The following THOC2 variants were observed in gnomAD, a reference collection of about 807,000 sequenced individuals.
The protein encoded by THOC2 is THO complex 2.
A neutral mutation model predicts 128.4 loss-of-function variants in THOC2; 10 were observed. The ratio of observed to expected loss-of-function variants is 0.08; its 90% CI spans 0.05 to 0.13. The LOEUF (loss-of-function observed/expected upper bound fraction) is 0.13. Ranked by LOEUF, THOC2 falls within the 10% of genes least tolerant of loss-of-function variation. The pLI, the probability that THOC2 is intolerant of heterozygous loss-of-function variation, is 1.00. For synonymous variants in THOC2, 393 were observed against 396.9 expected, an observed-to-expected ratio of 0.99 and a Z score of 0.12; for missense variants, 535 against 1,155.7, an observed-to-expected ratio of 0.46 and a Z score of 7.79.
chrX:123,625,896 T>G lies in THOC2; in HGVS notation c.3057+16A>C, dbSNP rs1324101656. 1 of 1,201,161 alleles carries G rather than the reference T, an allele frequency of 8.3e-7. No individual in the cohort carries two copies. Among genetic ancestry groups the G allele is most frequent in the Non-Finnish European group, 1.1e-6 (1 of 889,412 alleles). On this transcript the variant is annotated intron_variant, in intron 25 of 38. Coordinates refer to ENST00000245838, the MANE Select transcript of THOC2 (RefSeq NM_001081550.2). Reference sequence around the variant, plus strand: ...CTTTGTGTGAGAACTTTTTAAAGGTTGCAATAAAAACTTACTCGATCATAG... The same window carrying G: ...CTTTGTGTGAGAACTTTTTAAAGGTGGCAATAAAAACTTACTCGATCATAG...
chrX:123,708,816 G>A (rs2051052344), intron 2 of THOC2, among the ~76,000 whole-genome samples: 1 of 111,123 alleles, frequency 9.0e-6, no homozygotes, highest in Admixed American at 9.5e-5. Context: ...GCGCAATCTT[G>A]GCTCACTGCA....
chrX:123,656,537 C>T (rs185351494), intron 12 of THOC2, among the ~76,000 whole-genome samples: 3 of 110,233 alleles, frequency 2.7e-5, no homozygotes, highest in South Asian at 7.7e-4. Context: ...GGCGAAACCC[C>T]GTCTCTACTA....
chrX:123,712,042 T>C (rs931116350), intron 2 of THOC2, among the ~76,000 whole-genome samples: 5 of 108,488 alleles, frequency 4.6e-5, no homozygotes, highest in African/African-American at 1.7e-4. Flanking sequence ...TATATATATA[T>C]GTAAAATTGT....
At chrX:123,707,353 C>T (rs749090436) in intron 2 of THOC2, among the ~76,000 whole-genome samples, 69 of 111,718 alleles carry the variant, frequency 6.2e-4, no homozygotes, top group Admixed American at 2.3e-3. Flanking sequence ...ATTCTCCTCA[C>T]CAGTAGACTT....
At chrX:123,685,035 T>C (rs5956568) in intron 8 of THOC2, among the ~76,000 whole-genome samples, 2,838 of 112,182 alleles carry the variant, frequency 0.025, 82 homozygotes, top group African/African-American at 0.087. Context: ...AGTAAACAAA[T>C]TAGCAGAGCT....
At chrX:123,621,009 G>A in intron 31 of THOC2, 44 bp from the exon 32 acceptor site, 1 of 1,192,995 alleles carries the variant, frequency 8.4e-7, no homozygotes, top group Admixed American at 2.2e-5. Context: ...TACATTTCTA[G>A]TTTTCCAAAC....
At chrX:123,704,006 A>G (rs1487604087) in intron 3 of THOC2, among the ~76,000 whole-genome samples, 1 of 110,662 alleles carries the variant, frequency 9.0e-6, no homozygotes, top group Non-Finnish European at 1.9e-5. Context: ...GTAAACTTTC[A>G]TAACAAAGAG....
chrX:123,682,335 C>T (rs1466957939), intron 8 of THOC2, among the ~76,000 whole-genome samples: 1 of 111,778 alleles, frequency 8.9e-6, no homozygotes, highest in Admixed American at 9.5e-5. Flanking sequence ...TGACTTCACT[C>T]AGTATCAAAA....
Position 123,733,006 on chromosome X carries a change from A to G in THOC2, c.17T>C (p.Val6Ala). 4.1e-6 allele frequency: 5 copies of G among 1,211,269 alleles called. No homozygotes were observed. Among genetic ancestry groups the G allele is most frequent in the Non-Finnish European group, 5.6e-6 (5 of 895,249 alleles). The change falls in exon 1 of 39, where the codon GTG (valine) becomes GCG (alanine). Residue 6 changes from valine to alanine, a missense_variant. Physicochemically the swap from Val to Ala is moderately conservative, Grantham distance 64. Coordinates refer to ENST00000245838, the MANE Select transcript of THOC2 (RefSeq NM_001081550.2). MAAAA[V>A]VVPAEWIKNW... ...CTTTATCCACTCTGCGGGAACCACCACAGCCGCGGCCGCCATCTTCCTCTC... is the reference window on the plus strand; with the variant it reads ...CTTTATCCACTCTGCGGGAACCACCGCAGCCGCGGCCGCCATCTTCCTCTC...
At chrX:123,717,906 G>A (rs931769887) in intron 1 of THOC2, among the ~76,000 whole-genome samples, 6 of 112,293 alleles carry the variant, frequency 5.3e-5, no homozygotes, top group South Asian at 3.6e-4. Context: ...CGCAGGTTCC[G>A]CATCTGCGGA....
chrX:123,608,683 A>C (rs1197601790), intron 38 of THOC2, among the ~76,000 whole-genome samples: 1 of 111,988 alleles, frequency 8.9e-6, no homozygotes, highest in Non-Finnish European at 1.9e-5. Flanking sequence ...CAGAGGTTGC[A>C]GTGATCCAAG....
At chrX:123,669,940 G>C (rs965073215) in intron 9 of THOC2, among the ~76,000 whole-genome samples, 2 of 111,703 alleles carry the variant, frequency 1.8e-5, no homozygotes. Context: ...AATTCCACTT[G>C]ACAATCTTTG....
intron 2 of THOC2, among the ~76,000 whole-genome samples, chrX:123,710,784 G>A (rs1163662928): frequency 9.2e-6 from 1 of 108,621 alleles, no homozygotes; most frequent in African/African-American, 3.3e-5. Context: ...GAGGTCAGGA[G>A]TTCGATATCA....
intron 38 of THOC2, chrX:123,610,256 T>C (rs1478217145): frequency 4.6e-5 from 5 of 108,097 alleles, no homozygotes; most frequent in Non-Finnish European, 9.6e-5. Flanking sequence ...ATGGGTAAAA[T>C]ACTTTTTAAA....
chrX:123,679,917 A>G (rs940421788), intron 8 of THOC2, among the ~76,000 whole-genome samples: 2 of 112,172 alleles, frequency 1.8e-5, no homozygotes, highest in African/African-American at 6.5e-5. Context: ...CCCTAATCTC[A>G]AGTACCCAGG....
chrX:123,667,512 C>A (rs1008135222), intron 10 of THOC2, among the ~76,000 whole-genome samples: 2 of 111,364 alleles, frequency 1.8e-5, no homozygotes, highest in African/African-American at 6.5e-5. Context: ...CTGAGGTAGG[C>A]AGATCACTTG....
intron 36 of THOC2, among the ~76,000 whole-genome samples, chrX:123,612,693 A>G (rs998210963): frequency 5.4e-5 from 6 of 112,123 alleles, no homozygotes; most frequent in South Asian, 7.3e-4. Context: ...ATTTTACCTC[A>G]ATTAAAAAAC....
chrX:123,731,543 T>C (rs1297371462), intron 1 of THOC2, among the ~76,000 whole-genome samples: 1 of 112,286 alleles, frequency 8.9e-6, no homozygotes, highest in Non-Finnish European at 1.9e-5. Context: ...GCACTTACTA[T>C]AAGCCAAGTG....
At chrX:123,645,450 A>G in intron 12 of THOC2, 75 bp from the exon 13 acceptor site, 1 of 603,754 alleles carries the variant, frequency 1.7e-6, no homozygotes, top group Non-Finnish European at 2.5e-6. Flanking sequence ...TTCTAATTTG[A>G]AAAAACTTTA....
Sources: allele counts gnomAD v4.1 joint callset (sites outside exome capture counted in the v4.1 genomes callset), GRCh38; gene constraint gnomAD v4.1.1; transcripts MANE v1.5; gene names NCBI Gene and HGNC (gene_info 2026-07-23, HGNC 2026-07-21).